Variants in XRCC4 observed in about 807,000 individuals in gnomAD.
The protein encoded by XRCC4 is X-ray repair cross complementing 4, also known as DNA repair protein XRCC4.
Under a neutral mutation model 39.1 loss-of-function variants are expected in XRCC4, and 28 were observed. The ratio of observed to expected loss-of-function variants is 0.72; its 90% CI spans 0.53 to 0.98. The LOEUF (loss-of-function observed/expected upper bound fraction) is 0.98, where lower values mean the gene tolerates loss of function less well. XRCC4 is among the 50% of genes least tolerant of loss of function. XRCC4 has a pLI of 0.00. For missense variants in XRCC4, 350 were observed against 376.4 expected, an observed-to-expected ratio of 0.93 and a Z score of 0.58; for synonymous variants, 123 against 126.4, an observed-to-expected ratio of 0.97 and a Z score of 0.18.
chr5:83,296,360 A>G (rs1053342378), intron 7 of XRCC4, among the ~76,000 whole-genome samples: 1 of 152,126 alleles, frequency 6.6e-6, no homozygotes, highest in South Asian at 2.1e-4. Context: ...AATAAACCTC[A>G]TTTGCTTTCA....
At chr5:83,196,349 C>T (rs1288258749) in intron 4 of XRCC4, among the ~76,000 whole-genome samples, 1 of 151,990 alleles carries the variant, frequency 6.6e-6, no homozygotes, top group Non-Finnish European at 1.5e-5. Context: ...TTTCAAATTA[C>T]AGTGTTTTGG....
rs28360259 is a variant in XRCC4 at position 83,274,667 on chromosome 5, G to A, written c.893+15990G>A. On this transcript the variant is annotated intron_variant, in intron 7 of 7. Transcript: ENST00000396027. Reference sequence around the variant, plus strand: ...TGGTCAGGAAATTGGCATTTAAGCTGAGCCTAAATGACAAGCAGACATCCT... The same window carrying A: ...TGGTCAGGAAATTGGCATTTAAGCTAAGCCTAAATGACAAGCAGACATCCT... Among the ~76,000 whole-genome samples the A allele has an allele frequency of 1.6e-3, 248 of 152,280 alleles. 1 individual carries two copies. Among genetic ancestry groups the A allele is most frequent in the African/African-American group, 5.4e-3 (225 of 41,558 alleles).
chr5:83,179,875 A>T (rs566393560), intron 3 of XRCC4, among the ~76,000 whole-genome samples: 1 of 152,318 alleles, frequency 6.6e-6, no homozygotes, highest in South Asian at 2.1e-4. Flanking sequence ...TAGAATATAG[A>T]TAAGAGTCTA....
At chr5:83,125,842 G>A (rs1747232662) in intron 3 of XRCC4, among the ~76,000 whole-genome samples, 1 of 152,112 alleles carries the variant, frequency 6.6e-6, no homozygotes, top group African/African-American at 2.4e-5. Flanking sequence ...AATTAGCCAG[G>A]TGTGGTGGCG....
chr5:83,271,798 C>T (rs1754153861), intron 7 of XRCC4, among the ~76,000 whole-genome samples: 2 of 152,146 alleles, frequency 1.3e-5, no homozygotes, highest in South Asian at 4.2e-4. Context: ...CAGCATATGC[C>T]CAGGAGTGAA....
intron 7 of XRCC4, among the ~76,000 whole-genome samples, chr5:83,323,770 G>A (rs537250173): frequency 6.6e-6 from 1 of 152,048 alleles, no homozygotes; most frequent in Admixed American, 6.6e-5. Context: ...ACAGAACTTG[G>A]GTGAGTTTTG....
chr5:83,138,909 A>G (rs947032370), intron 3 of XRCC4, among the ~76,000 whole-genome samples: 3 of 152,032 alleles, frequency 2.0e-5, no homozygotes, highest in Non-Finnish European at 4.4e-5. Flanking sequence ...TATATTTTTT[A>G]TTGCTTAATT....
chr5:83,174,402 A>G (rs1215555842), intron 3 of XRCC4, among the ~76,000 whole-genome samples: 11 of 152,154 alleles, frequency 7.2e-5, no homozygotes, highest in Non-Finnish European at 4.4e-5. Flanking sequence ...CTTCTCATAT[A>G]ACTATGTATC....
chr5:83,231,528 T>C (rs923557122), intron 6 of XRCC4, among the ~76,000 whole-genome samples: 8 of 152,118 alleles, frequency 5.3e-5, no homozygotes, highest in African/African-American at 1.9e-4. Flanking sequence ...ATGATTCTTT[T>C]TAAATCATTT....
chr5:83,320,364 TAAAAAATAAAAAAATAATA>T (rs1485951535), intron 7 of XRCC4, among the ~76,000 whole-genome samples: 2 of 124,538 alleles, frequency 1.6e-5, no homozygotes, highest in African/African-American at 6.1e-5. Context: ...TAATAAAAAA[TAAAAAATAAAAAAATAATA>T]AAAAAATAAA....
chr5:83,079,253 C>T (rs958352525), intron 1 of XRCC4, among the ~76,000 whole-genome samples: 1 of 152,154 alleles, frequency 6.6e-6, no homozygotes, highest in African/African-American at 2.4e-5. Context: ...TATAGAGAAA[C>T]ACATATGCCA....
chr5:83,136,399 T>C (rs1462581418), intron 3 of XRCC4, among the ~76,000 whole-genome samples: 1 of 152,200 alleles, frequency 6.6e-6, no homozygotes, highest in African/African-American at 2.4e-5. Context: ...CTTCATTCCA[T>C]GCACATAAGA....
intron 7 of XRCC4, among the ~76,000 whole-genome samples, chr5:83,329,434 C>G (rs1324430333): frequency 6.6e-6 from 1 of 151,908 alleles, no homozygotes; most frequent in Non-Finnish European, 1.5e-5. Context: ...GCCAAGAAAA[C>G]AATAGTAAAA....
chr5:83,212,915 AGATTCCATCT>A (rs1751705249), intron 6 of XRCC4, among the ~76,000 whole-genome samples: 1 of 147,502 alleles, frequency 6.8e-6, no homozygotes. Flanking sequence ...AGACAGAATG[AGATTCCATCT>A]AAAAAAAAAA....
intron 4 of XRCC4, 131 bp downstream of exon 4, chr5:83,196,067 A>G: frequency 1.2e-6 from 1 of 848,870 alleles, no homozygotes; most frequent in Non-Finnish European, 1.7e-6. Context: ...ACTGAATATG[A>G]TTAAACGAAA....
intron 4 of XRCC4, among the ~76,000 whole-genome samples, chr5:83,198,338 C>T (rs1044152470): frequency 3.3e-5 from 5 of 151,852 alleles, no homozygotes; most frequent in Non-Finnish European, 4.4e-5. Context: ...CCCATAGAAG[C>T]GATGGTAGAT....
In XRCC4 at chr5:83,256,658, C is replaced by G. The variant is rs1580432223; in HGVS notation, c.746-1872C>G. 2.0e-5 allele frequency among the ~76,000 whole-genome samples: 3 copies of G among 151,340 alleles called. No homozygotes were observed. In the East Asian group the frequency reaches 5.8e-4, roughly 29 times the overall value. ...GTGTTTAAAAAAAAAAAAAAACTTC[C>G]TTTTTAATTTACCCTTATCTATTCC... is the stretch of plus-strand genomic sequence containing the variant. On this transcript the variant is annotated intron_variant, in intron 6 of 7. Coordinates refer to ENST00000396027, the MANE Select transcript of XRCC4 (RefSeq NM_003401.5).
intron 6 of XRCC4, among the ~76,000 whole-genome samples, chr5:83,243,050 C>T (rs1304906623): frequency 1.3e-5 from 2 of 152,120 alleles, no homozygotes; most frequent in African/African-American, 2.4e-5. Context: ...TCTCTCTCGA[C>T]ATATCATTTA....
At chr5:83,259,283 GT>G (rs1181504627) in intron 7 of XRCC4, 1 of 152,286 alleles carries the variant, frequency 6.6e-6, no homozygotes, top group East Asian at 1.9e-4. Context: ...CAAAATGAAT[GT>G]TCAAATCATT....
Sources: allele counts gnomAD v4.1 joint callset (sites outside exome capture counted in the v4.1 genomes callset), GRCh38; gene constraint gnomAD v4.1.1; transcripts MANE v1.5; gene names NCBI Gene and HGNC (gene_info 2026-07-23, HGNC 2026-07-21).